MICAL2: variants seen among roughly 807,000 people sequenced by gnomAD.
MICAL2 encodes microtubule associated monooxygenase, calponin and LIM domain containing 2.
A neutral mutation model predicts 127.3 loss-of-function variants in MICAL2; 77 were observed. That is an observed-to-expected ratio of 0.60 (90% confidence interval 0.50 to 0.73). MICAL2 has a LOEUF of 0.73. MICAL2 is among the 30% of genes least tolerant of loss of function. The pLI, the probability that MICAL2 is intolerant of heterozygous loss-of-function variation, is 0.00. For synonymous variants in MICAL2, 570 were observed against 551.1 expected, an observed-to-expected ratio of 1.03 and a Z score of -0.48; for missense variants, 1,351 against 1,434.4, an observed-to-expected ratio of 0.94 and a Z score of 0.94.
intron 32 of MICAL2, among the ~76,000 whole-genome samples, chr11:12,349,259 G>T (rs971809982): frequency 4.6e-5 from 7 of 152,104 alleles, no homozygotes; most frequent in Admixed American, 4.6e-4. Flanking sequence ...AGAATATATG[G>T]ATATAACTTT....
At chr11:12,236,309 G>A in intron 16 of MICAL2, 64 bp downstream of exon 16, 2 of 1,459,842 alleles carry the variant, frequency 1.4e-6, no homozygotes, top group South Asian at 1.1e-5. Flanking sequence ...GCCACAGGCA[G>A]CCTCACTGTG....
chr11:12,133,231 G>A (rs974003739), intron 1 of MICAL2, among the ~76,000 whole-genome samples: 3 of 152,040 alleles, frequency 2.0e-5, no homozygotes, highest in Non-Finnish European at 2.9e-5. Flanking sequence ...ACAGGCGTGC[G>A]CCACCACACC....
chr11:12,183,484 G>T (rs901294), intron 3 of MICAL2, among the ~76,000 whole-genome samples: 1,899 of 152,310 alleles, frequency 0.012, 29 homozygotes, highest in East Asian at 0.054. Flanking sequence ...AACCGCCTGT[G>T]CCCTTCTCAG....
chr11:12,169,085 C>T (rs957623404), intron 3 of MICAL2, among the ~76,000 whole-genome samples: 2 of 151,800 alleles, frequency 1.3e-5, no homozygotes, highest in Non-Finnish European at 2.9e-5. Flanking sequence ...TTTCTTTTCT[C>T]CACTCCCCCA....
chr11:12,352,652 G>C lies in MICAL2; in HGVS notation c.5616-2132G>C, dbSNP rs554161920. Reference sequence around the variant, plus strand: ...TGGAGAAATGTCTTATTGGTATCTTGATTCAAGGCTTTTGGGAACCGGATG... The same window carrying C: ...TGGAGAAATGTCTTATTGGTATCTTCATTCAAGGCTTTTGGGAACCGGATG... On this transcript the variant is annotated intron_variant, in intron 33 of 34. Coordinates refer to the MICAL2 transcript ENST00000646065. 5.3e-5 allele frequency among the ~76,000 whole-genome samples: 8 copies of C among 152,356 alleles called. No individual in the cohort carries two copies. The East Asian group carries it at 1.5e-3, about 29-fold the overall frequency.
intron 34 of MICAL2, among the ~76,000 whole-genome samples, chr11:12,357,451 C>T (rs1322678075): frequency 6.6e-6 from 1 of 152,210 alleles, no homozygotes; most frequent in Non-Finnish European, 1.5e-5. Flanking sequence ...AAAGCAAAGT[C>T]AGTGTGGAAA....
intron 1 of MICAL2, among the ~76,000 whole-genome samples, chr11:12,125,849 G>A (rs1318573156): frequency 6.9e-6 from 1 of 144,122 alleles, no homozygotes; most frequent in African/African-American, 2.6e-5. Flanking sequence ...TTGGAATCCG[G>A]TGCAAGTATT....
At chr11:12,168,518 A>G (rs1855826309) in intron 3 of MICAL2, among the ~76,000 whole-genome samples, 2 of 150,798 alleles carry the variant, frequency 1.3e-5, no homozygotes, top group Admixed American at 1.3e-4. Context: ...CATACATAAC[A>G]CCACACACAC....
chr11:12,226,051 G>C (rs571807730), intron 13 of MICAL2, 120 bp from the exon 14 acceptor site: 6 of 932,614 alleles, frequency 6.4e-6, no homozygotes, highest in Non-Finnish European at 1.0e-5. Context: ...TTCCTCCCCT[G>C]TAACCTGCCG....
downstream of MICAL2, chr11:12,293,687 C>T (rs1315163750): frequency 1.9e-6 from 3 of 1,613,942 alleles, no homozygotes; most frequent in Non-Finnish European, 1.7e-6. Context: ...GCCTCATCAC[C>T]CAAAGCCAGA....
intron 2 of MICAL2, among the ~76,000 whole-genome samples, chr11:12,161,275 G>C (rs1022240762): frequency 2.6e-5 from 4 of 152,242 alleles, no homozygotes; most frequent in African/African-American, 9.6e-5. Flanking sequence ...CAAAGCCCAG[G>C]CAAGCTATTT....
chr11:12,147,786 G>T (rs1853101549), intron 2 of MICAL2, among the ~76,000 whole-genome samples: 1 of 152,242 alleles, frequency 6.6e-6, no homozygotes, highest in Non-Finnish European at 1.5e-5. Flanking sequence ...GGAATTGAAT[G>T]TGGCTAGTGG....
At chr11:12,353,899 A>G (rs1052218756) in intron 33 of MICAL2, among the ~76,000 whole-genome samples, 2 of 152,200 alleles carry the variant, frequency 1.3e-5, no homozygotes, top group Non-Finnish European at 2.9e-5. Context: ...TACCACAGTC[A>G]GAGACTTGGG....
chr11:12,234,035 G>A (rs74798633), intron 15 of MICAL2, among the ~76,000 whole-genome samples: 3,055 of 152,290 alleles, frequency 0.02, 111 homozygotes, highest in African/African-American at 0.07. Context: ...GCATTTGGTT[G>A]TCCCATGGGT....
intron 2 of MICAL2, among the ~76,000 whole-genome samples, chr11:12,285,916 T>TGGC (rs952953877): frequency 2.1e-5 from 3 of 140,038 alleles, no homozygotes; most frequent in African/African-American, 7.6e-5. Flanking sequence ...TCATGCTTCC[T>TGGC]GGCCCTGCCT....
At chr11:12,232,932 TC>T (rs1399794499) in intron 15 of MICAL2, among the ~76,000 whole-genome samples, 2 of 150,506 alleles carry the variant, frequency 1.3e-5, no homozygotes, top group African/African-American at 4.9e-5. Flanking sequence ...CATGATGAAA[TC>T]TCACAGCATC....
intron 3 of MICAL2, among the ~76,000 whole-genome samples, chr11:12,186,103 C>A (rs7122237): frequency 6.6e-6 from 1 of 152,120 alleles, no homozygotes. Context: ...TCTTCCGTTA[C>A]AGGATTAACT....
chr11:12,359,025 A>G (rs868193974), downstream of MICAL2: 1 of 152,802 alleles, frequency 6.5e-6, no homozygotes, highest in South Asian at 2.1e-4. Flanking sequence ...TAACTCATAT[A>G]GCAGGTGTTA....
chr11:12,274,260 G>A (rs1015476106), upstream of MICAL2: 1 of 152,136 alleles, frequency 6.6e-6, no homozygotes, highest in Non-Finnish European at 1.5e-5. Flanking sequence ...CACCTAGCTA[G>A]TTAGTGGCCA....
Sources: allele counts gnomAD v4.1 joint callset (sites outside exome capture counted in the v4.1 genomes callset), GRCh38; gene constraint gnomAD v4.1.1; transcripts MANE v1.5; gene names NCBI Gene and HGNC (gene_info 2026-07-23, HGNC 2026-07-21).